EDA2R: variants seen among roughly 807,000 people sequenced by gnomAD.
EDA2R encodes tumor necrosis factor receptor superfamily member 27.
Under a neutral mutation model 20.1 loss-of-function variants are expected in EDA2R, and 26 were observed. The observed-to-expected ratio is 1.30, with a 90% confidence interval of 0.95 to 1.80. The LOEUF (loss-of-function observed/expected upper bound fraction) is 1.80. Among genes scored for constraint, EDA2R ranks in the 40% most tolerant of loss-of-function variants. EDA2R has a pLI of 0.00. For missense variants in EDA2R, 277 were observed against 228.7 expected (o/e 1.21, Z -1.36); for synonymous variants, 114 against 88.7 (o/e 1.29, Z -1.60).
chrX:66,630,497 A>G (rs76561491), intron 1 of EDA2R, among the ~76,000 whole-genome samples: 1 of 111,405 alleles, frequency 9.0e-6, no homozygotes, highest in East Asian at 2.8e-4. Context: ...ATCAGGTAGA[A>G]AAATCAAACA....
At chrX:66,598,157 T>G in intron 6 of EDA2R, 64 bp from the exon 7 acceptor site, 14 of 443,448 alleles carry the variant, frequency 3.2e-5, no homozygotes, top group Non-Finnish European at 4.4e-5. Context: ...CTTCTTTCTC[T>G]ACCCCTCCAA....
chrX:66,618,107 G>A (rs980418723), intron 1 of EDA2R, among the ~76,000 whole-genome samples: 2 of 111,651 alleles, frequency 1.8e-5, no homozygotes, highest in East Asian at 2.8e-4. Flanking sequence ...GGCTGGTCTC[G>A]AACTCCTGAC....
At chrX:66,625,402 C>G (rs1932973551) in intron 1 of EDA2R, among the ~76,000 whole-genome samples, 2 of 110,797 alleles carry the variant, frequency 1.8e-5, no homozygotes, top group Admixed American at 9.6e-5. Context: ...CTTTGACCCA[C>G]TTCCCTGACC....
intron 1 of EDA2R, among the ~76,000 whole-genome samples, chrX:66,620,364 A>T: frequency 9.0e-6 from 1 of 111,625 alleles, no homozygotes; most frequent in Non-Finnish European, 1.9e-5. Flanking sequence ...CTTTTCAAAG[A>T]AGGGTGTTGG....
At chrX:66,610,402 A>G (rs967293590) in intron 2 of EDA2R, among the ~76,000 whole-genome samples, 3 of 110,883 alleles carry the variant, frequency 2.7e-5, no homozygotes, top group African/African-American at 9.8e-5. Flanking sequence ...ACAGATGAAC[A>G]TTAGGTATTG....
intron 1 of EDA2R, among the ~76,000 whole-genome samples, chrX:66,618,768 CT>C (rs1256738866): frequency 9.1e-6 from 1 of 110,446 alleles, no homozygotes; most frequent in East Asian, 2.8e-4. Context: ...AAGATAATGA[CT>C]TTCCAAACAA....
At position 66,597,909 on chromosome X, in the gene EDA2R, G is replaced by A. The variant is rs193006688; in HGVS notation, c.*195C>T. The A allele has an allele frequency of 7.7e-4, 395 of 516,102 alleles. 2 individuals are homozygous for A. The African/African-American group carries it at 9.2e-3, about 12-fold the overall frequency. The allele number at this position is 516,102 out of a possible 1,213,427, so 42.5% of individuals were successfully genotyped here. On this transcript the variant is annotated 3_prime_UTR_variant, in exon 7 of 7. Coordinates refer to ENST00000374719, the MANE Select transcript of EDA2R (RefSeq NM_021783.5). ...TCCCCAGACTACAAAAGGGAAGCAA[G>A]AAATGCTCCAGATCAGTCCTTGTGA...
intron 1 of EDA2R, among the ~76,000 whole-genome samples, chrX:66,624,037 T>C (rs1290424771): frequency 1.8e-5 from 2 of 112,693 alleles, no homozygotes; most frequent in Non-Finnish European, 3.7e-5. Flanking sequence ...GTGCTTACAA[T>C]AGTGCCTGGC....
At chrX:66,610,930 T>C in intron 2 of EDA2R, among the ~76,000 whole-genome samples, 1 of 111,278 alleles carries the variant, frequency 9.0e-6, no homozygotes, top group Non-Finnish European at 1.9e-5. Flanking sequence ...GGGTCTGAGA[T>C]TATTTTCCCC....
Position 66,605,128 on chromosome X carries a change from G to A in EDA2R, c.186C>T (p.Ile62=), listed in dbSNP as rs1389354248. The part of the protein sequence containing the change: ...SWGHHRCQSC[I]TCAVINRVQK... ...GAACACGATTGATGACAGCACAGGT[G>A]ATGCAACTCTGACATCTGTGGTGGC... Residue 62 remains isoleucine (I), a synonymous_variant, in exon 3 of 7, where the codon ATC becomes ATT. Transcript: ENST00000374719. 19 of 1,209,672 alleles carry A rather than the reference G, an allele frequency of 1.6e-5. No individual in the cohort carries two copies. Among genetic ancestry groups the A allele is most frequent in the Non-Finnish European group, 2.1e-5 (19 of 894,410 alleles).
At chrX:66,636,560 C>A (rs1350171732) in intron 1 of EDA2R, among the ~76,000 whole-genome samples, 1 of 110,052 alleles carries the variant, frequency 9.1e-6, no homozygotes, top group Non-Finnish European at 1.9e-5. Flanking sequence ...AAAGGAAGAA[C>A]TTTTAACAGT....
At chrX:66,598,407 A>C (rs1927846426) in intron 6 of EDA2R, among the ~76,000 whole-genome samples, 1 of 111,909 alleles carries the variant, frequency 8.9e-6, no homozygotes, top group Non-Finnish European at 1.9e-5. Flanking sequence ...TCTGTCTGGC[A>C]CGAGGAACAG....
chrX:66,626,522 T>A (rs1426385602), intron 1 of EDA2R, among the ~76,000 whole-genome samples: 2 of 111,293 alleles, frequency 1.8e-5, no homozygotes, highest in African/African-American at 6.5e-5. Flanking sequence ...TGGGATTATA[T>A]TAAACAATGA....
chrX:66,629,691 G>A (rs1933518020), intron 1 of EDA2R, among the ~76,000 whole-genome samples: 1 of 111,740 alleles, frequency 8.9e-6, no homozygotes, highest in Admixed American at 9.5e-5. Context: ...AGAAATCATA[G>A]ACGATACAAA....
At chrX:66,602,318 T>G (rs1928753353) in intron 5 of EDA2R, among the ~76,000 whole-genome samples, 1 of 111,139 alleles carries the variant, frequency 9.0e-6, no homozygotes, top group Non-Finnish European at 1.9e-5. Context: ...ACACGGTGAT[T>G]TAGAGGTAGA....
At chrX:66,637,149 C>T (rs1333985711) in intron 1 of EDA2R, among the ~76,000 whole-genome samples, 1 of 112,235 alleles carries the variant, frequency 8.9e-6, no homozygotes, top group Non-Finnish European at 1.9e-5. Context: ...GATGGGAATG[C>T]ACAACCTTGT....
At chrX:66,636,870 G>T (rs753859564) in intron 1 of EDA2R, among the ~76,000 whole-genome samples, 2 of 109,753 alleles carry the variant, frequency 1.8e-5, no homozygotes, top group South Asian at 8.1e-4. Flanking sequence ...TGGCATGGTG[G>T]GTGGGAGGAA....
chrX:66,618,577 T>C (rs924217411), intron 1 of EDA2R, among the ~76,000 whole-genome samples: 1 of 112,354 alleles, frequency 8.9e-6, no homozygotes, highest in Non-Finnish European at 1.9e-5. Context: ...GTTGGCAATA[T>C]ATACAGACCT....
intron 1 of EDA2R, among the ~76,000 whole-genome samples, chrX:66,623,176 T>G (rs1932806096): frequency 8.9e-6 from 1 of 112,367 alleles, no homozygotes; most frequent in Non-Finnish European, 1.9e-5. Flanking sequence ...GTGCAGTCAA[T>G]GTTGAAAATC....
Sources: gnomAD v4.1 joint callset for allele counts (sites outside exome capture counted in the v4.1 genomes callset) on GRCh38, gnomAD v4.1.1 for gene constraint, MANE v1.5 for transcripts, NCBI Gene and HGNC (gene_info 2026-07-23, HGNC 2026-07-21) for gene names.